The following AGK variants were observed in gnomAD, a reference collection of about 807,000 sequenced individuals.
AGK encodes acylglycerol kinase, mitochondrial.
In AGK, 52 loss-of-function variants were observed where a neutral mutation model predicts 66.4. That is an observed-to-expected ratio of 0.78 (90% CI 0.63 to 0.99). AGK has a LOEUF of 0.99. AGK is among the 50% of genes least tolerant of loss of function. The pLI, the probability that AGK is intolerant of heterozygous loss-of-function variation, is 0.00. For missense variants in AGK, 451 were observed against 506.6 expected (o/e 0.89, Z 1.05); for synonymous variants, 182 against 181.1 (o/e 1.00, Z -0.04).
At chr7:141,650,517 G>A in intron 14 of AGK, 1 of 985,472 alleles carries the variant, frequency 1.0e-6, no homozygotes, top group Non-Finnish European at 1.2e-6. Context: ...TATCTGAAGA[G>A]AACATAGTGA....
At position 141,655,024 on chromosome 7, in the gene AGK, A is replaced by AAAG. The variant is rs1797661852; in HGVS notation, c.*2101_*2103dup. The AAAG allele has an allele frequency of 6.6e-6, 1 of 152,198 alleles. No homozygotes were observed. The highest frequency in any genetic ancestry group is 2.4e-5 in the African/African-American group (1 of 41,442). The allele number at this position is 152,198 out of a possible 1,614,324, so 9.4% of individuals were successfully genotyped here. On this transcript the variant is annotated 3_prime_UTR_variant, in exon 16 of 16. Coordinates refer to ENST00000649286, the MANE Select transcript of AGK (RefSeq NM_018238.4). ...AAGGATGCTGTAGTATATGAAAACA[A>AAAG]AAGTTTTCACCTGAGCTGAGAGCAT...
At chr7:141,643,125 G>A (rs1332313487) in intron 13 of AGK, among the ~76,000 whole-genome samples, 1 of 152,138 alleles carries the variant, frequency 6.6e-6, no homozygotes, top group Non-Finnish European at 1.5e-5. Flanking sequence ...TAATATTAAT[G>A]TTCAGAGTAT....
intron 5 of AGK, among the ~76,000 whole-genome samples, chr7:141,608,849 A>G (rs1796517274): frequency 6.6e-6 from 1 of 152,184 alleles, no homozygotes; most frequent in Non-Finnish European, 1.5e-5. Flanking sequence ...AATTTCCAAG[A>G]TCTACTAATG....
intron 9 of AGK, among the ~76,000 whole-genome samples, chr7:141,625,542 A>C (rs139425158): frequency 6.6e-6 from 1 of 152,186 alleles, no homozygotes; most frequent in East Asian, 1.9e-4. Context: ...GTATAGATGG[A>C]GTCTCACTTT....
intron 14 of AGK, 142 bp downstream of exon 14, chr7:141,649,475 G>A (rs1797500681): frequency 4.5e-6 from 3 of 660,820 alleles, no homozygotes; most frequent in Non-Finnish European, 8.0e-6. Flanking sequence ...CTTTCCTATG[G>A]GCTGACATGT....
chr7:141,564,520 A>G (rs2116862880), intron 2 of AGK, among the ~76,000 whole-genome samples: 1 of 152,212 alleles, frequency 6.6e-6, no homozygotes, highest in South Asian at 2.1e-4. Context: ...CCCATGATTC[A>G]GTTACCTTCC....
intron 2 of AGK, among the ~76,000 whole-genome samples, chr7:141,580,479 A>G (rs1001883659): frequency 1.3e-5 from 2 of 151,912 alleles, no homozygotes; most frequent in African/African-American, 4.9e-5. Context: ...TGGTATCTGG[A>G]ATAATGTGGG....
intron 12 of AGK, 79 bp downstream of exon 12, chr7:141,641,477 T>C (rs1797289069): frequency 3.7e-5 from 54 of 1,475,988 alleles, no homozygotes; most frequent in Non-Finnish European, 4.7e-5. Flanking sequence ...AAAATCAGTT[T>C]TAGAGACTTA....
intron 4 of AGK, among the ~76,000 whole-genome samples, chr7:141,599,756 A>C (rs1462967892): frequency 6.6e-6 from 1 of 152,188 alleles, no homozygotes; most frequent in Non-Finnish European, 1.5e-5. Flanking sequence ...AAGCCCCCAG[A>C]AATGGTGAGC....
intron 10 of AGK, 59 bp from the exon 11 acceptor site, chr7:141,636,901 C>A (rs2117004669): frequency 7.3e-7 from 1 of 1,371,212 alleles, no homozygotes; most frequent in Non-Finnish European, 1.0e-6. Flanking sequence ...TGAATGGTAT[C>A]TATCACATGA....
intron 2 of AGK, among the ~76,000 whole-genome samples, chr7:141,580,712 C>T (rs1193076939): frequency 6.6e-6 from 1 of 151,986 alleles, no homozygotes; most frequent in African/African-American, 2.4e-5. Context: ...GCACGCAGAC[C>T]ATGAGGGCTA....
At chr7:141,597,020 T>C (rs1056696327) in intron 4 of AGK, 2 of 173,124 alleles carry the variant, frequency 1.2e-5, no homozygotes, top group Non-Finnish European at 2.5e-5. Context: ...ATCAGAAATG[T>C]TCTTTCCAAA....
chr7:141,552,388 T>C (rs911057197), intron 1 of AGK, among the ~76,000 whole-genome samples: 6 of 152,218 alleles, frequency 3.9e-5, no homozygotes, highest in African/African-American at 9.7e-5. Context: ...CAATCCTTTA[T>C]CTCTAAACCA....
intron 2 of AGK, among the ~76,000 whole-genome samples, chr7:141,570,082 A>C (rs1241422713): frequency 6.6e-6 from 1 of 152,164 alleles, no homozygotes; most frequent in Admixed American, 6.5e-5. Flanking sequence ...CTCCTGGCAC[A>C]TATTAAAAAT....
At chr7:141,612,318 G>C (rs1478105880) in intron 6 of AGK, among the ~76,000 whole-genome samples, 1 of 152,208 alleles carries the variant, frequency 6.6e-6, no homozygotes. Flanking sequence ...AGATGTTGAA[G>C]AGAGGGATGA....
chr7:141,577,026 T>A (rs1330412539), intron 2 of AGK, among the ~76,000 whole-genome samples: 1 of 151,902 alleles, frequency 6.6e-6, no homozygotes, highest in East Asian at 1.9e-4. Context: ...GGCGACAGGG[T>A]GAGACTCCGT....
intron 13 of AGK, among the ~76,000 whole-genome samples, chr7:141,646,637 G>A (rs943201933): frequency 1.3e-5 from 2 of 152,142 alleles, no homozygotes; most frequent in Admixed American, 6.6e-5. Context: ...CAGCCTTGAA[G>A]CTAACAATAT....
chr7:141,628,742 A>G (rs944985524), intron 9 of AGK, among the ~76,000 whole-genome samples: 2 of 152,200 alleles, frequency 1.3e-5, no homozygotes, highest in African/African-American at 4.8e-5. Context: ...TGGAGATGTA[A>G]CTAGAATTTA....
intron 2 of AGK, among the ~76,000 whole-genome samples, chr7:141,575,443 A>G (rs1795714017): frequency 6.6e-6 from 1 of 152,178 alleles, no homozygotes; most frequent in Non-Finnish European, 1.5e-5. Context: ...TTATAGAATT[A>G]CATGTGCTCT....
Sources: allele counts gnomAD v4.1 joint callset (sites outside exome capture counted in the v4.1 genomes callset), GRCh38; gene constraint gnomAD v4.1.1; transcripts MANE v1.5; gene names NCBI Gene and HGNC (gene_info 2026-07-23, HGNC 2026-07-21).